Variants in EPN1 observed in about 807,000 individuals in gnomAD.
EPN1 encodes epsin 1, also known as epsin-1.
A neutral mutation model predicts 56.9 loss-of-function variants in EPN1; 25 were observed. The observed-to-expected ratio is 0.44, with a 90% CI of 0.32 to 0.61. The LOEUF (loss-of-function observed/expected upper bound fraction) is 0.61, where lower values mean the gene tolerates loss of function less well. EPN1 is among the 20% of genes least tolerant of loss of function. The probability of loss-of-function intolerance (pLI) is 0.05; values close to 1 mark genes in which losing one functional copy is unlikely to be tolerated. For synonymous variants in EPN1, 411 were observed against 361.8 expected (o/e 1.14, Z -1.54); for missense variants, 785 against 823.7 (o/e 0.95, Z 0.58).
At position 55,695,003 on chromosome 19, in the gene EPN1, C is replaced by T. The variant is rs1282386639; in HGVS notation, c.1522+20C>T. ...CAGGCGGTGAGTGTGGGCCCATCAC[C>T]TGCTCAAGTCCTTCCTGTGGGTTCC... On this transcript the variant is annotated intron_variant, in intron 10 of 10. Coordinates refer to ENST00000270460, the MANE Select transcript of EPN1 (RefSeq NM_001130072.2). The surrounding 1 kb of genome is among the most constrained non-coding windows in gnomAD (Gnocchi z 4.4). The T allele has an allele frequency of 1.3e-6, 2 of 1,558,140 alleles. No individual in the cohort carries two copies. The highest frequency in any genetic ancestry group is 1.2e-5 in the South Asian group (1 of 85,226).
In EPN1 at chr19:55,689,033, G is replaced by A; in HGVS notation, c.603+39G>A. On this transcript the variant is annotated intron_variant, in intron 4 of 10. Coordinates refer to ENST00000270460, the MANE Select transcript of EPN1 (RefSeq NM_001130072.2). This position sits in a 1 kb window ranked among gnomAD's most constrained non-coding sequence, Gnocchi z 5.7. The stretch of plus-strand genomic sequence containing the variant: ...AGCTGGGGCTGTCTGTCCGCCACCC[G>A]CCTCCACGCCTCACTTCAGGCTCCC... 9 of 1,545,540 alleles carry A rather than the reference G, an allele frequency of 5.8e-6. No individual in the cohort carries two copies. The highest frequency in any genetic ancestry group is 7.8e-6 in the Non-Finnish European group (9 of 1,149,190).
At chr19:55,690,552 G>A (rs1306373620) in intron 6 of EPN1, among the ~76,000 whole-genome samples, 1 of 152,186 alleles carries the variant, frequency 6.6e-6, no homozygotes, top group African/African-American at 2.4e-5. Flanking sequence ...CTGGGCCCGG[G>A]GTGTCCGCAC....
In EPN1 at chr19:55,703,786, A is replaced by T. The variant is rs1241656022; in HGVS notation, c.*8430A>T. 1 of 152,222 alleles carries T rather than the reference A, an allele frequency of 6.6e-6. No homozygotes were observed. The highest frequency in any genetic ancestry group is 1.5e-5 in the Non-Finnish European group (1 of 68,046). 9.4% of individuals were successfully genotyped at this position (152,222 alleles called of 1,614,324 possible). ...AGCATGAGATTTTTTTAATCTTGCC[A>T]ATTTTTGATGGATTTAAGTTTAAGC... On this transcript the variant is annotated 3_prime_UTR_variant, in exon 11 of 11. Coordinates refer to ENST00000270460, the MANE Select transcript of EPN1 (RefSeq NM_001130072.2).
intron 1 of EPN1, chr19:55,676,768 G>C (rs1568561904): frequency 6.2e-6 from 1 of 161,868 alleles, no homozygotes. Context: ...TCAGCGCCAG[G>C]TCTCTTTTTG....
rs780147456 is a variant in EPN1, at chr19:55,692,912, C to T, written c.1178-39C>T. 9.9e-6 allele frequency: 16 copies of T among 1,608,214 alleles called. No individual in the cohort carries two copies. In the Admixed American group the frequency reaches 1.2e-4, roughly 12 times the overall value. On this transcript the variant is annotated intron_variant, in intron 8 of 10. Transcript: ENST00000270460. ...ACTGGAGGTGGGGGCTGAGGCGGGG[C>T]CCCAGGGAGGGGCTGAGCAGAACAT...
In EPN1 at chr19:55,685,572, C is replaced by T. The variant is rs376123170; in HGVS notation, c.405C>T (p.Arg135=). 123 of 1,609,650 alleles carry T rather than the reference C, an allele frequency of 7.6e-5. No individual in the cohort carries two copies. The highest frequency in any genetic ancestry group is 3.3e-4 in the Middle Eastern group (2 of 6,078). Residue 135 remains arginine (R), a synonymous_variant, in exon 3 of 11, where the codon CGC becomes CGT. Transcript: ENST00000270460. ...EKAKQLVALL[R]DEDRLREERA... is the part of the protein sequence containing the mutation. ...CTAAGCAGCTGGTGGCCCTGCTGCG[C>T]GACGAGGACCGGCTGCGGGAAGAGC...
rs1176540962 is a variant in EPN1, at chr19:55,708,364, G to C, written c.*13008G>C. ...TATTGTGTTTTGAAATATAAACAGTGTAGATATATTTGAATAATACTGAAT... is the reference window on the plus strand; with the variant it reads ...TATTGTGTTTTGAAATATAAACAGTCTAGATATATTTGAATAATACTGAAT... On this transcript the variant is annotated 3_prime_UTR_variant, in exon 11 of 11. Coordinates refer to ENST00000270460, the MANE Select transcript of EPN1 (RefSeq NM_001130072.2). 6.6e-6 allele frequency: 1 copy of C among 152,214 alleles called. No individual in the cohort carries two copies. The highest frequency in any genetic ancestry group is 2.1e-4 in the South Asian group (1 of 4,830). The allele number at this position is 152,214 out of a possible 1,614,324, so 9.4% of individuals were successfully genotyped here.
chr19:55,676,224 T>G (rs191305448), intron 1 of EPN1, among the ~76,000 whole-genome samples: 68 of 152,368 alleles, frequency 4.5e-4, no homozygotes, highest in Non-Finnish European at 7.3e-4. Context: ...CTGGGAGCTC[T>G]GGTTTTTATT....
At position 55,689,023 on chromosome 19, in the gene EPN1, T is replaced by C; in HGVS notation, c.603+29T>C. 3 of 1,563,898 alleles carry C rather than the reference T, an allele frequency of 1.9e-6. No homozygotes were observed. In the East Asian group the frequency reaches 6.8e-5, roughly 36 times the overall value. The stretch of plus-strand genomic sequence containing the variant: ...CTGGGCGTGCAGCTGGGGCTGTCTG[T>C]CCGCCACCCGCCTCCACGCCTCACT... On this transcript the variant is annotated intron_variant, in intron 4 of 10. Transcript: ENST00000270460. The surrounding 1 kb of genome is among the most constrained non-coding windows in gnomAD (Gnocchi z 5.7).
At position 55,689,313 on chromosome 19, in the gene EPN1, C is replaced by G; in HGVS notation, c.620C>G (p.Pro207Arg). The part of the protein sequence containing the change: ...EEADQPPSCG[P>R]EDDAQLQLAL... ...CTCCCCCAGCCCCCGTCCTGCGGCC[C>G]CGAGGACGACGCCCAGCTCCAGCTG... Residue 207 changes from proline (P) to arginine (R), a missense_variant, in exon 5 of 11, where the codon CCC becomes CGC. Pro to Arg is a moderately radical substitution (Grantham distance 103). This residue lies in a region of EPN1 where 650 missense variants were observed against 605.0 expected (regional missense o/e 1.07). Transcript: ENST00000270460. The surrounding 1 kb of genome is among the most constrained non-coding windows in gnomAD (Gnocchi z 5.7). 1.3e-6 allele frequency: 2 copies of G among 1,550,308 alleles called. No individual in the cohort carries two copies. Among genetic ancestry groups the G allele is most frequent in the Non-Finnish European group, 1.7e-6 (2 of 1,146,430 alleles).
intron 2 of EPN1, among the ~76,000 whole-genome samples, chr19:55,684,560 T>A (rs1394720896): frequency 6.6e-6 from 1 of 152,182 alleles, no homozygotes; most frequent in African/African-American, 2.4e-5. Context: ...TAATGTTCCC[T>A]CCGCCCTGTC....
rs781002855 is a variant in EPN1 at position 55,700,234 on chromosome 19, A to AT, written c.*4881dup. The AT allele has an allele frequency of 2.7e-5, 4 of 149,722 alleles. No individual in the cohort carries two copies. Among genetic ancestry groups the AT allele is most frequent in the Non-Finnish European group, 4.4e-5 (3 of 67,934 alleles). The allele number at this position is 149,722 out of a possible 1,614,324, so 9.3% of individuals were successfully genotyped here. The stretch of plus-strand genomic sequence containing the variant: ...CACTGTGCCCGGCCCATAAAGCACT[A>AT]TTTAATGACTGCTCCATAAATACAA... On this transcript the variant is annotated 3_prime_UTR_variant, in exon 11 of 11. Coordinates refer to ENST00000270460, the MANE Select transcript of EPN1 (RefSeq NM_001130072.2).
chr19:55,703,253 G>A lies in EPN1; in HGVS notation c.*7897G>A. 6.6e-6 allele frequency: 1 copy of A among 152,364 alleles called. No individual in the cohort carries two copies. The allele number at this position is 152,364 out of a possible 1,614,324, so 9.4% of individuals were successfully genotyped here. Reference sequence around the variant, plus strand: ...CTGTCCGGAGGGGCCTAAGTGGGAAGTGCCCTCAACCAAGGAGATAGCTGC... The same window carrying A: ...CTGTCCGGAGGGGCCTAAGTGGGAAATGCCCTCAACCAAGGAGATAGCTGC... On this transcript the variant is annotated 3_prime_UTR_variant, in exon 11 of 11. Coordinates refer to ENST00000270460, the MANE Select transcript of EPN1 (RefSeq NM_001130072.2).
In EPN1 at chr19:55,694,965, A is replaced by G. The variant is rs778073797; in HGVS notation, c.1504A>G (p.Asn502Asp). 47 of 1,557,184 alleles carry G rather than the reference A, an allele frequency of 3.0e-5. No individual in the cohort carries two copies. Among genetic ancestry groups the G allele is most frequent in the Non-Finnish European group, 4.1e-5 (47 of 1,151,916 alleles). The change falls in exon 10 of 11, where the codon AAC becomes GAC. Residue 502 changes from asparagine (N) to aspartate (D), a missense_variant. Physicochemically the swap from Asn to Asp is conservative, Grantham distance 23. Transcript: ENST00000270460. The surrounding 1 kb of genome is among the most constrained non-coding windows in gnomAD (Gnocchi z 4.2). Reference sequence around the variant, plus strand: ...CACGCCGCCTGGAGCCAAGGCCTCCAACCCCTTCCTGCCAGGCGGTGAGTG... The same window carrying G: ...CACGCCGCCTGGAGCCAAGGCCTCCGACCCCTTCCTGCCAGGCGGTGAGTG... ...GPTPPGAKAS[N>D]PFLPGGGPAT...
rs907853636 is a variant in EPN1, at chr19:55,689,365, T to C, written c.672T>C (p.His224=). The stretch of plus-strand genomic sequence containing the variant: ...CCCTTAGTTTGAGCCGAGAAGAGCA[T>C]GATAAGGTCAGAGCAGCCTCCCTGT... ...QLALSLSREE[H]DKEERIRRGD... The change falls in exon 5 of 11, where the codon CAT becomes CAC. Residue 224 remains histidine, a synonymous_variant. Transcript: ENST00000270460. This position sits in a 1 kb window ranked among gnomAD's most constrained non-coding sequence, Gnocchi z 5.7. 24 of 1,551,444 alleles carry C rather than the reference T, an allele frequency of 1.5e-5. No individual in the cohort carries two copies. Among genetic ancestry groups the C allele is most frequent in the East Asian group, 1.2e-4 (5 of 40,886 alleles).
In EPN1 at chr19:55,694,584, C is replaced by T. The variant is rs547581664; in HGVS notation, c.1265-142C>T. ...TTTTGGCCTGGGCAAGCGATGCTTC[C>T]GCTCTGCACCTCAGTTCCTCCTTCC... On this transcript the variant is annotated intron_variant, in intron 9 of 10. Coordinates refer to ENST00000270460, the MANE Select transcript of EPN1 (RefSeq NM_001130072.2). This position sits in a 1 kb window ranked among gnomAD's most constrained non-coding sequence, Gnocchi z 4.2. 594 of 1,051,320 alleles carry T rather than the reference C, an allele frequency of 5.7e-4. No homozygotes were observed. Among genetic ancestry groups the T allele is most frequent in the South Asian group, 2.3e-3 (106 of 46,010 alleles). 65.1% of individuals were successfully genotyped at this position (1,051,320 alleles called of 1,614,324 possible).
rs1986793879 is a variant in EPN1, at chr19:55,694,586, C to G, written c.1265-140C>G. 1.8e-5 allele frequency: 19 copies of G among 1,074,448 alleles called. 1 individual carries two copies. The South Asian group carries it at 3.7e-4, about 21-fold the overall frequency. 66.6% of individuals were successfully genotyped at this position (1,074,448 alleles called of 1,614,324 possible). A position where few individuals can be genotyped will look rare whatever the true frequency, so the allele number is the denominator to read the frequency against. ...TTGGCCTGGGCAAGCGATGCTTCCG[C>G]TCTGCACCTCAGTTCCTCCTTCCCG... On this transcript the variant is annotated intron_variant, in intron 9 of 10. Coordinates refer to ENST00000270460, the MANE Select transcript of EPN1 (RefSeq NM_001130072.2). This position sits in a 1 kb window ranked among gnomAD's most constrained non-coding sequence, Gnocchi z 4.2.
chr19:55,677,392 TTTGC>T (rs1305483583), intron 1 of EPN1, among the ~76,000 whole-genome samples: 2 of 152,186 alleles, frequency 1.3e-5, no homozygotes, highest in African/African-American at 4.8e-5. Flanking sequence ...GTCATCATCA[TTTGC>T]TTGACTCTCT....
chr19:55,683,921 G>C (rs907079132), intron 2 of EPN1, among the ~76,000 whole-genome samples: 4 of 152,180 alleles, frequency 2.6e-5, no homozygotes, highest in Admixed American at 1.3e-4. Context: ...TGCCCAGCGC[G>C]TTCTCTTATG....
Sources: allele counts gnomAD v4.1 joint callset (sites outside exome capture counted in the v4.1 genomes callset), GRCh38; gene constraint gnomAD v4.1.1; regional missense constraint gnomAD v4.1.1; non-coding constraint Gnocchi (gnomAD v3.1); transcripts MANE v1.5; gene names NCBI Gene and HGNC (gene_info 2026-07-23, HGNC 2026-07-21).